ABLIM2: variants seen among roughly 807,000 people sequenced by gnomAD.
The protein encoded by ABLIM2 is actin binding LIM protein family member 2.
A neutral mutation model predicts 97.7 loss-of-function variants in ABLIM2; 53 were observed. The ratio of observed to expected loss-of-function variants is 0.54; its 90% CI spans 0.44 to 0.68. The LOEUF (loss-of-function observed/expected upper bound fraction) is 0.68, where lower values mean the gene tolerates loss of function less well. Ranked by LOEUF, ABLIM2 falls within the 30% of genes least tolerant of loss-of-function variation. The pLI is 0.00. For missense variants in ABLIM2, 835 were observed against 867.2 expected, an observed-to-expected ratio of 0.96 and a Z score of 0.47; for synonymous variants, 361 against 345.8, an observed-to-expected ratio of 1.04 and a Z score of -0.49.
At position 8,039,874 on chromosome 4, in the gene ABLIM2, G is replaced by GTTTT. The variant is rs397947626; in HGVS notation, c.901-3583_901-3580dup. On this transcript the variant is annotated intron_variant, in intron 9 of 20. Coordinates refer to ENST00000447017, the MANE Select transcript of ABLIM2 (RefSeq NM_001130083.2). ...AATTTCCTCTGGTGTGCTGATTACT[G>GTTTT]TTTTTTTTTTTTTTTTTTTTTTAAT... Among the ~76,000 whole-genome samples, 143 of 108,614 alleles carry GTTTT rather than the reference G, an allele frequency of 1.3e-3. 3 individuals carry two copies. The highest frequency in any genetic ancestry group is 3.5e-3 in the African/African-American group (103 of 29,594). 71.3% of individuals were successfully genotyped at this position (108,614 alleles called of 152,430 possible). A position where few individuals can be genotyped will look rare whatever the true frequency, so the allele number is the denominator to read the frequency against.
rs1285687510 is a variant in ABLIM2, at chr4:8,127,381, G to A, written c.11-20744C>T. Reference sequence around the variant, plus strand: ...ACCCACTGGCGCTCGTGGTGCCGGCGCTCATGACCTTCACGCAGGGCACAA... The same window carrying A: ...ACCCACTGGCGCTCGTGGTGCCGGCACTCATGACCTTCACGCAGGGCACAA... On this transcript the variant is annotated intron_variant, in intron 1 of 20. Transcript: ENST00000447017. The surrounding 1 kb of genome is among the most constrained non-coding windows in gnomAD (Gnocchi z 7.3). 6.6e-6 allele frequency among the ~76,000 whole-genome samples: 1 copy of A among 152,248 alleles called. No homozygotes were observed. The highest frequency in any genetic ancestry group is 1.5e-5 in the Non-Finnish European group (1 of 68,018).
intron 8 of ABLIM2, among the ~76,000 whole-genome samples, chr4:8,045,637 A>G (rs562509197): frequency 8.5e-5 from 13 of 152,182 alleles, no homozygotes; most frequent in Non-Finnish European, 1.3e-4. Context: ...ACAGAGAGAG[A>G]CTCCATCTCA....
rs574947038 is a variant in ABLIM2, at chr4:8,122,525, G to A, written c.11-15888C>T. Among the ~76,000 whole-genome samples, 19 of 152,282 alleles carry A rather than the reference G, an allele frequency of 1.2e-4. No individual in the cohort carries two copies. The highest frequency in any genetic ancestry group is 5.8e-4 in the East Asian group (3 of 5,178). ...ACTGTGTCCTCACAAGGCAGAGAGC[G>A]CGCTCTGGGCAGGAGTCCCATCATG... On this transcript the variant is annotated intron_variant, in intron 1 of 20. Transcript: ENST00000447017. This position sits in a 1 kb window ranked among gnomAD's most constrained non-coding sequence, Gnocchi z 4.1.
In ABLIM2 at chr4:8,072,335, T is replaced by C. The variant is rs867229832; in HGVS notation, c.675+5293A>G. Among the ~76,000 whole-genome samples, 1 of 152,154 alleles carries C rather than the reference T, an allele frequency of 6.6e-6. No individual in the cohort carries two copies. Among genetic ancestry groups the C allele is most frequent in the Admixed American group, 6.5e-5 (1 of 15,286 alleles). ...ATCAAGGGGAGGGGGGGCTGCCTGATGAAACCCACTTTGCTCGCCCAGTGC... is the reference window on the plus strand; with the variant it reads ...ATCAAGGGGAGGGGGGGCTGCCTGACGAAACCCACTTTGCTCGCCCAGTGC... On this transcript the variant is annotated intron_variant, in intron 6 of 20. Coordinates refer to ENST00000447017, the MANE Select transcript of ABLIM2 (RefSeq NM_001130083.2). The surrounding 1 kb of genome is among the most constrained non-coding windows in gnomAD (Gnocchi z 5.8).
At chr4:8,102,523 A>G (rs949142738) in intron 2 of ABLIM2, among the ~76,000 whole-genome samples, 1 of 152,232 alleles carries the variant, frequency 6.6e-6, no homozygotes, top group African/African-American at 2.4e-5. Flanking sequence ...TGCCTGGCAC[A>G]TAGTAGGTGC....
At chr4:8,143,757 A>C (rs1851373676) in intron 1 of ABLIM2, among the ~76,000 whole-genome samples, 1 of 152,150 alleles carries the variant, frequency 6.6e-6, no homozygotes, top group Admixed American at 6.5e-5. Context: ...GCCCAGCAAG[A>C]GGATCGACAT....
At chr4:8,040,782 G>C (rs532980728) in intron 9 of ABLIM2, among the ~76,000 whole-genome samples, 158 of 152,316 alleles carry the variant, frequency 1.0e-3, no homozygotes, top group Non-Finnish European at 1.9e-3. Context: ...CTTCTGGCCT[G>C]TCTGGCCCCT....
At position 8,037,090 on chromosome 4, in the gene ABLIM2, T is replaced by C. The variant is rs137922016; in HGVS notation, c.901-795A>G. 6.6e-3 allele frequency among the ~76,000 whole-genome samples: 999 copies of C among 152,348 alleles called. 11 individuals are homozygous for C. Among genetic ancestry groups the C allele is most frequent in the African/African-American group, 0.022 (898 of 41,564 alleles). Reference sequence around the variant, plus strand: ...TGTTGGGTAAATCGATGTTATACTGTATTATTTAACTTACATAAATAAAAT... The same window carrying C: ...TGTTGGGTAAATCGATGTTATACTGCATTATTTAACTTACATAAATAAAAT... On this transcript the variant is annotated intron_variant, in intron 9 of 20. Coordinates refer to ENST00000447017, the MANE Select transcript of ABLIM2 (RefSeq NM_001130083.2).
intron 17 of ABLIM2, among the ~76,000 whole-genome samples, chr4:7,990,370 G>A (rs1747721282): frequency 6.6e-6 from 1 of 152,072 alleles, no homozygotes; most frequent in African/African-American, 2.4e-5. Context: ...GCTAATTTTT[G>A]TATTTTTAGT....
chr4:8,134,858 C>T (rs1057279936), intron 1 of ABLIM2, among the ~76,000 whole-genome samples: 1 of 152,232 alleles, frequency 6.6e-6, no homozygotes, highest in African/African-American at 2.4e-5. Flanking sequence ...AGGAATATCC[C>T]TTACATGTCT....
At chr4:7,978,193 G>A (rs754338686) in intron 20 of ABLIM2, among the ~76,000 whole-genome samples, 3 of 152,088 alleles carry the variant, frequency 2.0e-5, no homozygotes, top group Non-Finnish European at 4.4e-5. Flanking sequence ...TCTGGCTCAC[G>A]TCCCACTCTC....
intron 14 of ABLIM2, among the ~76,000 whole-genome samples, chr4:8,017,947 C>T (rs986245035): frequency 2.6e-5 from 4 of 151,346 alleles, no homozygotes; most frequent in Admixed American, 2.0e-4. Context: ...AAGCCAAGAT[C>T]GCACCACTGC....
intron 1 of ABLIM2, among the ~76,000 whole-genome samples, chr4:8,144,875 T>A (rs1290919203): frequency 6.6e-6 from 1 of 152,242 alleles, no homozygotes; most frequent in African/African-American, 2.4e-5. Context: ...GGATGTTTTT[T>A]ATCAGGCGCA....
chr4:7,974,588 C>A (rs1341915192), intron 20 of ABLIM2, among the ~76,000 whole-genome samples: 1 of 910 alleles, frequency 1.1e-3, no homozygotes, highest in Non-Finnish European at 3.1e-3. Context: ...CCAATCCATC[C>A]ATCCAATCCT....
rs187989812 is a variant in ABLIM2, at chr4:7,966,502, G to A, written c.*488C>T. On this transcript the variant is annotated 3_prime_UTR_variant, in exon 21 of 21. Transcript: ENST00000447017. ...CCCCACTCTTGGCACTGTCCCAGAC[G>A]CTCACTGCCCCGTCTGCGAGTCTGC... 8.2e-4 allele frequency: 132 copies of A among 160,214 alleles called. No individual in the cohort carries two copies. Among genetic ancestry groups the A allele is most frequent in the African/African-American group, 3.0e-3 (124 of 41,814 alleles). The allele number at this position is 160,214 out of a possible 1,614,324, so 9.9% of individuals were successfully genotyped here.
At chr4:8,031,913 C>T (rs62290639) in intron 10 of ABLIM2, among the ~76,000 whole-genome samples, 11,415 of 151,876 alleles carry the variant, frequency 0.075, 722 homozygotes, top group East Asian at 0.27. Flanking sequence ...TTAGTGGAGA[C>T]GGGGTTTCAC....
intron 2 of ABLIM2, among the ~76,000 whole-genome samples, chr4:8,102,123 C>T (rs1834954425): frequency 2.0e-5 from 3 of 152,358 alleles, no homozygotes; most frequent in South Asian, 2.1e-4. Context: ...GTCAAAGCCA[C>T]GGTCTTTGCA....
In ABLIM2 at chr4:8,147,715, G is replaced by A. The variant is rs1023892993; in HGVS notation, c.10+10965C>T. On this transcript the variant is annotated intron_variant, in intron 1 of 20. Transcript: ENST00000447017. The surrounding 1 kb of genome is among the most constrained non-coding windows in gnomAD (Gnocchi z 5.3). ...AGGACTGAGCCTCCCCTGAGCCCCC[G>A]AGGGAGCTGCCAGCGCCGTTTAGCC... is the stretch of plus-strand genomic sequence containing the variant. 6.6e-6 allele frequency among the ~76,000 whole-genome samples: 1 copy of A among 152,212 alleles called. No homozygotes were observed. The highest frequency in any genetic ancestry group is 1.5e-5 in the Non-Finnish European group (1 of 68,034).
rs1797886164 is a variant in ABLIM2, at chr4:8,054,565, G to T, written c.764-319C>A. 6.6e-6 allele frequency among the ~76,000 whole-genome samples: 1 copy of T among 152,238 alleles called. No homozygotes were observed. The highest frequency in any genetic ancestry group is 6.5e-5 in the Admixed American group (1 of 15,292). On this transcript the variant is annotated intron_variant, in intron 7 of 20. Transcript: ENST00000447017. This position sits in a 1 kb window ranked among gnomAD's most constrained non-coding sequence, Gnocchi z 4.9. The stretch of plus-strand genomic sequence containing the variant: ...TGAGGAACCTGGGGGGCAGCTGGAA[G>T]ATTCTTCTCTGAGGAGGGGGTATTT...
Sources: gnomAD v4.1 joint callset for allele counts (sites outside exome capture counted in the v4.1 genomes callset) on GRCh38, gnomAD v4.1.1 for gene constraint, Gnocchi (gnomAD v3.1) non-coding constraint, MANE v1.5 for transcripts, NCBI Gene and HGNC (gene_info 2026-07-23, HGNC 2026-07-21) for gene names.